Variants in GNG2 observed in about 807,000 individuals in gnomAD.
The protein encoded by GNG2 is G protein subunit gamma 2.
In GNG2, 5 loss-of-function variants were observed where a neutral mutation model predicts 5.5. The ratio of observed to expected loss-of-function variants is 0.91; its 90% confidence interval spans 0.48 to 1.92. The LOEUF (loss-of-function observed/expected upper bound fraction) is 1.92, where lower values mean the gene tolerates loss of function less well. Among genes scored for constraint, GNG2 ranks in the 30% most tolerant of loss-of-function variants. The pLI, the probability that GNG2 is intolerant of heterozygous loss-of-function variation, is 0.01. For synonymous variants in GNG2, 28 were observed against 32.0 expected, an observed-to-expected ratio of 0.88 and a Z score of 0.42; for missense variants, 55 against 88.4, an observed-to-expected ratio of 0.62 and a Z score of 1.52.
At chr14:51,833,458 A>G (rs1178431668) in intron 2 of GNG2, among the ~76,000 whole-genome samples, 1 of 152,176 alleles carries the variant, frequency 6.6e-6, no homozygotes, top group Non-Finnish European at 1.5e-5. Flanking sequence ...GAGAAGGCAA[A>G]CAGTCCTCCT....
chr14:51,844,396 C>T (rs2140079721), intron 2 of GNG2, among the ~76,000 whole-genome samples: 1 of 152,256 alleles, frequency 6.6e-6, no homozygotes, highest in South Asian at 2.1e-4. Flanking sequence ...CTGAGACTGT[C>T]CCCTTCTGAC....
chr14:51,869,484 C>A (rs758664823), intron 1 of GNG2, among the ~76,000 whole-genome samples: 14 of 152,166 alleles, frequency 9.2e-5, no homozygotes, highest in Non-Finnish European at 1.8e-4. Flanking sequence ...TACGTAGAGG[C>A]ATATCAAGGT....
At chr14:51,883,875 T>A (rs1195968718) in intron 2 of GNG2, among the ~76,000 whole-genome samples, 1 of 152,176 alleles carries the variant, frequency 6.6e-6, no homozygotes, top group African/African-American at 2.4e-5. Context: ...ATATGATCCT[T>A]TTTTGTGACA....
At chr14:51,930,413 C>T (rs766231496) in intron 2 of GNG2, among the ~76,000 whole-genome samples, 6 of 152,168 alleles carry the variant, frequency 3.9e-5, no homozygotes, top group Non-Finnish European at 7.3e-5. Flanking sequence ...AAATAACTAG[C>T]GTGAAAAAGG....
At chr14:51,901,547 G>A (rs1458118489) in intron 2 of GNG2, among the ~76,000 whole-genome samples, 1 of 152,106 alleles carries the variant, frequency 6.6e-6, no homozygotes, top group Non-Finnish European at 1.5e-5. Flanking sequence ...CCACCCATCA[G>A]TGACCATGGC....
At chr14:51,838,597 C>CA (rs1052504388) in intron 2 of GNG2, among the ~76,000 whole-genome samples, 5 of 152,042 alleles carry the variant, frequency 3.3e-5, no homozygotes, top group Admixed American at 3.3e-4. Context: ...TATATATTGA[C>CA]AAAAAGAAAA....
intron 2 of GNG2, among the ~76,000 whole-genome samples, chr14:51,829,845 C>CT (rs35713457): frequency 0.074 from 10,196 of 137,798 alleles, 564 homozygotes; most frequent in African/African-American, 0.15. Context: ...CCTACTTCTT[C>CT]TTTTTTTTTT....
intron 1 of GNG2, among the ~76,000 whole-genome samples, chr14:51,876,429 G>T (rs763421084): frequency 1.3e-5 from 2 of 151,960 alleles, no homozygotes; most frequent in African/African-American, 2.4e-5. Flanking sequence ...GAACATATTT[G>T]GGTCCCTTGA....
At chr14:51,898,269 C>T (rs1053296132) in intron 2 of GNG2, among the ~76,000 whole-genome samples, 3 of 151,828 alleles carry the variant, frequency 2.0e-5, no homozygotes, top group African/African-American at 4.8e-5. Flanking sequence ...TTATTTTTTT[C>T]CTTTCTTAGT....
intron 2 of GNG2, among the ~76,000 whole-genome samples, chr14:51,830,631 A>T (rs1314480307): frequency 1.3e-5 from 2 of 152,254 alleles, no homozygotes; most frequent in East Asian, 3.8e-4. Context: ...CATTGAATCC[A>T]TAGCAAACTT....
intron 2 of GNG2, among the ~76,000 whole-genome samples, chr14:51,878,373 C>A (rs1883818938): frequency 6.6e-6 from 1 of 152,226 alleles, no homozygotes; most frequent in East Asian, 1.9e-4. Context: ...ACGCCTACAT[C>A]CCCATCACCC....
intron 1 of GNG2, among the ~76,000 whole-genome samples, chr14:51,870,568 G>A (rs1436967073): frequency 6.6e-6 from 1 of 152,244 alleles, no homozygotes; most frequent in Non-Finnish European, 1.5e-5. Context: ...CAAGCATTCT[G>A]TGTATAGTAT....
intron 2 of GNG2, among the ~76,000 whole-genome samples, chr14:51,931,114 G>A (rs2357304): frequency 0.36 from 54,290 of 151,954 alleles, 11,030 homozygotes; most frequent in Non-Finnish European, 0.46. Flanking sequence ...AAAAACAAAA[G>A]AACAGGAAAG....
intron 2 of GNG2, among the ~76,000 whole-genome samples, chr14:51,921,677 G>A (rs145990513): frequency 2.6e-5 from 4 of 152,224 alleles, no homozygotes; most frequent in African/African-American, 9.6e-5. Flanking sequence ...TCACACCTGC[G>A]GCCAGGACAA....
chr14:51,889,768 C>T (rs1884723120), intron 2 of GNG2, among the ~76,000 whole-genome samples: 1 of 152,136 alleles, frequency 6.6e-6, no homozygotes, highest in South Asian at 2.1e-4. Flanking sequence ...ATTGTGTTCG[C>T]AGATACAAGG....
At chr14:51,850,497 G>A (rs1350395255) in intron 2 of GNG2, among the ~76,000 whole-genome samples, 2 of 152,138 alleles carry the variant, frequency 1.3e-5, no homozygotes, top group Non-Finnish European at 2.9e-5. Flanking sequence ...CTGACCTATG[G>A]TTACTGACAG....
chr14:51,923,562 C>G (rs941952246), intron 2 of GNG2, among the ~76,000 whole-genome samples: 2 of 60,262 alleles, frequency 3.3e-5, no homozygotes. Flanking sequence ...TATACAAACA[C>G]ACAATACACA....
intron 1 of GNG2, among the ~76,000 whole-genome samples, chr14:51,868,385 A>G (rs1287004688): frequency 2.6e-5 from 4 of 152,182 alleles, no homozygotes; most frequent in African/African-American, 9.7e-5. Context: ...ATCAACCAGG[A>G]TTGGAACCAT....
At chr14:51,913,547 G>A (rs566191914) in intron 2 of GNG2, among the ~76,000 whole-genome samples, 4 of 152,184 alleles carry the variant, frequency 2.6e-5, no homozygotes, top group South Asian at 2.1e-4. Flanking sequence ...GGGGGAGAGC[G>A]GAAAGAACAG....
Sources: gnomAD v4.1 joint callset for allele counts (sites outside exome capture counted in the v4.1 genomes callset) on GRCh38, gnomAD v4.1.1 for gene constraint, MANE v1.5 for transcripts, NCBI Gene and HGNC (gene_info 2026-07-23, HGNC 2026-07-21) for gene names.